The following EYS variants were observed in gnomAD, a reference collection of about 807,000 sequenced individuals.
The protein encoded by EYS is EGF-like photoreceptor maintenance factor.
EYS carries 250 observed loss-of-function variants against 282.1 expected under a neutral mutation model. The ratio of observed to expected loss-of-function variants is 0.89; its 90% CI spans 0.80 to 0.98. The LOEUF (loss-of-function observed/expected upper bound fraction) is 0.98. Among genes scored for constraint, EYS ranks in the 50% least tolerant of loss-of-function variants. EYS has a pLI of 0.00. For synonymous variants in EYS, 1,355 were observed against 1,282.9 expected (o/e 1.06, Z -1.20); for missense variants, 4,016 against 3,709.0 (o/e 1.08, Z -2.15).
chr6:64,274,490 T>TTTTTTTTGTTTTG (rs1768047658), intron 30 of EYS, among the ~76,000 whole-genome samples: 1 of 149,084 alleles, frequency 6.7e-6, no homozygotes, highest in African/African-American at 2.5e-5. Context: ...CGTTTTTTTT[T>TTTTTTTTGTTTTG]TTTTTTTTTT....
At chr6:63,871,900 T>A (rs1219074636) in intron 35 of EYS, among the ~76,000 whole-genome samples, 9 of 152,088 alleles carry the variant, frequency 5.9e-5, no homozygotes, top group Non-Finnish European at 1.2e-4. Context: ...GGAAACTCAG[T>A]GCTGCTCACC....
chr6:64,581,184 G>A (rs554884842), intron 26 of EYS, among the ~76,000 whole-genome samples: 145 of 152,200 alleles, frequency 9.5e-4, no homozygotes, highest in African/African-American at 3.4e-3. Context: ...AAAGAGAGGA[G>A]GAAGAGAGAA....
chr6:64,855,962 T>C (rs1193304908), intron 19 of EYS, among the ~76,000 whole-genome samples: 1 of 152,222 alleles, frequency 6.6e-6, no homozygotes, highest in Non-Finnish European at 1.5e-5. Flanking sequence ...TTTTAAATCA[T>C]TGAGTAAATT....
chr6:64,657,953 C>T (rs1768815861), intron 22 of EYS, among the ~76,000 whole-genome samples: 1 of 152,140 alleles, frequency 6.6e-6, no homozygotes, highest in Non-Finnish European at 1.5e-5. Context: ...AGAGTGTTTT[C>T]CAACGTGGTT....
intron 22 of EYS, among the ~76,000 whole-genome samples, chr6:64,746,045 A>AT (rs779246090): frequency 1.3e-5 from 2 of 152,044 alleles, no homozygotes; most frequent in African/African-American, 2.4e-5. Context: ...CATACTTTAA[A>AT]TTTTTTATTT....
chr6:64,999,782 T>G (rs2150126893), intron 13 of EYS, among the ~76,000 whole-genome samples: 1 of 152,216 alleles, frequency 6.6e-6, no homozygotes, highest in Non-Finnish European at 1.5e-5. Context: ...GCCGGCACGC[T>G]GGAGCTCCAG....
intron 22 of EYS, among the ~76,000 whole-genome samples, chr6:64,714,512 C>A: frequency 4.6e-5 from 1 of 21,814 alleles, no homozygotes; most frequent in African/African-American, 1.0e-4. Flanking sequence ...CATTTTCTTT[C>A]TTTCTTTTTT....
At chr6:64,979,095 C>T (rs1346966623) in intron 14 of EYS, among the ~76,000 whole-genome samples, 2 of 151,688 alleles carry the variant, frequency 1.3e-5, no homozygotes, top group African/African-American at 4.8e-5. Flanking sequence ...GGATGAAATG[C>T]TATTAAACAG....
chr6:64,356,681 A>T (rs904878301), intron 29 of EYS, among the ~76,000 whole-genome samples: 15 of 151,616 alleles, frequency 9.9e-5, no homozygotes, highest in African/African-American at 3.6e-4. Flanking sequence ...CACAGGCTTC[A>T]GGTTCTGGTA....
intron 31 of EYS, among the ~76,000 whole-genome samples, chr6:64,084,210 G>A (rs1056865968): frequency 2.6e-5 from 4 of 152,160 alleles, no homozygotes; most frequent in Non-Finnish European, 4.4e-5. Context: ...CAACTGCCAC[G>A]CCTAGGATTT....
intron 31 of EYS, among the ~76,000 whole-genome samples, chr6:64,190,986 T>C (rs1765085956): frequency 6.6e-6 from 1 of 152,234 alleles, no homozygotes; most frequent in Non-Finnish European, 1.5e-5. Context: ...CACATTTTCA[T>C]ACATTTACTG....
rs1769037042 is a variant in EYS at position 64,661,855 on chromosome 6, C to T, written c.3444-35610G>A. Among the ~76,000 whole-genome samples, 4 of 138,614 alleles carry T rather than the reference C, an allele frequency of 2.9e-5. No homozygotes were observed. The Admixed American group carries it at 2.9e-4, about 10-fold the overall frequency. 90.9% of individuals were successfully genotyped at this position (138,614 alleles called of 152,430 possible). A position where few individuals can be genotyped will look rare whatever the true frequency, so the allele number is the denominator to read the frequency against. On this transcript the variant is annotated intron_variant, in intron 22 of 42. Transcript: ENST00000503581. ...CCTCAGGGATCTAGAACTAGAAATA[C>T]CATTTGACCCAGCCATCCCATTACT...
chr6:64,260,270 A>G (rs1023924184), intron 30 of EYS, among the ~76,000 whole-genome samples: 33 of 152,082 alleles, frequency 2.2e-4, no homozygotes, highest in African/African-American at 7.5e-4. Flanking sequence ...ACTGACCACC[A>G]TGAGGCTGCC....
intron 22 of EYS, among the ~76,000 whole-genome samples, chr6:64,656,493 TAGA>T (rs1289022350): frequency 2.0e-5 from 3 of 152,088 alleles, no homozygotes; most frequent in Non-Finnish European, 2.9e-5. Context: ...AAAGTTTGAG[TAGA>T]AGTAGTTTTT....
intron 12 of EYS, among the ~76,000 whole-genome samples, chr6:65,224,657 T>TA (rs1004994120): frequency 2.6e-5 from 4 of 151,608 alleles, no homozygotes; most frequent in South Asian, 2.1e-4. Context: ...CTAGATTGAC[T>TA]AAAAAAAACA....
intron 19 of EYS, among the ~76,000 whole-genome samples, chr6:64,848,694 G>A (rs565784786): frequency 4.6e-5 from 7 of 152,206 alleles, no homozygotes; most frequent in South Asian, 2.1e-4. Context: ...TGTAAATAGC[G>A]TGGTCTGAGT....
intron 29 of EYS, among the ~76,000 whole-genome samples, chr6:64,310,278 C>T (rs1479172324): frequency 6.6e-6 from 1 of 152,102 alleles, no homozygotes; most frequent in Non-Finnish European, 1.5e-5. Flanking sequence ...AAAGACCATA[C>T]ACATATATGT....
intron 26 of EYS, among the ~76,000 whole-genome samples, chr6:64,510,370 T>C (rs186843725): frequency 2.6e-5 from 4 of 152,262 alleles, no homozygotes; most frequent in African/African-American, 9.6e-5. Flanking sequence ...TTTAATACTA[T>C]CGCACATTGT....
chr6:65,374,204 G>A (rs1765265722), intron 8 of EYS, among the ~76,000 whole-genome samples: 1 of 152,056 alleles, frequency 6.6e-6, no homozygotes, highest in Admixed American at 6.6e-5. Context: ...ATCTCATTGG[G>A]ACTGGTTAGG....
Sources: allele counts gnomAD v4.1 joint callset (sites outside exome capture counted in the v4.1 genomes callset), GRCh38; gene constraint gnomAD v4.1.1; transcripts MANE v1.5; gene names NCBI Gene and HGNC (gene_info 2026-07-23, HGNC 2026-07-21).